SV2C: variants seen among roughly 807,000 people sequenced by gnomAD.
The protein encoded by SV2C is solute carrier family 22 member B3.
SV2C carries 49 observed loss-of-function variants against 79.7 expected under a neutral mutation model. The observed-to-expected ratio is 0.61, with a 90% confidence interval of 0.49 to 0.78. The LOEUF is 0.78. Among genes scored for constraint, SV2C ranks in the 30% least tolerant of loss-of-function variants. The pLI, the probability that SV2C is intolerant of heterozygous loss-of-function variation, is 0.00. For missense variants in SV2C, 833 were observed against 912.9 expected, an observed-to-expected ratio of 0.91 and a Z score of 1.13; for synonymous variants, 334 against 333.2, an observed-to-expected ratio of 1.00 and a Z score of -0.03.
chr5:76,306,313 C>G (rs1442444642), intron 12 of SV2C, among the ~76,000 whole-genome samples: 1 of 152,106 alleles, frequency 6.6e-6, no homozygotes, highest in Non-Finnish European at 1.5e-5. Context: ...GCCCCAGCCT[C>G]TGAAGTAGCT....
chr5:76,146,744 G>A (rs905039670), intron 2 of SV2C, among the ~76,000 whole-genome samples: 7 of 142,078 alleles, frequency 4.9e-5, no homozygotes, highest in East Asian at 2.2e-4. Flanking sequence ...CTGACATGGG[G>A]GCTAATGACA....
At position 76,326,966 on chromosome 5, in the gene SV2C, A is replaced by T. The variant is rs1254089206; in HGVS notation, c.*1419A>T. 1.3e-5 allele frequency: 2 copies of T among 152,216 alleles called. No individual in the cohort carries two copies. The highest frequency in any genetic ancestry group is 2.9e-5 in the Non-Finnish European group (2 of 68,036). The allele number at this position is 152,216 out of a possible 1,614,324, so 9.4% of individuals were successfully genotyped here. On this transcript the variant is annotated 3_prime_UTR_variant, in exon 13 of 13. Transcript: ENST00000502798. The stretch of plus-strand genomic sequence containing the variant: ...AGCCAATGACCAGAAGCCAGGAATA[A>T]ATCCCATATTTAAACAATATTCCTT...
chr5:75,994,235 A>G, the SV2C span, among the ~76,000 whole-genome samples: 2 of 152,104 alleles, frequency 1.3e-5, no homozygotes, highest in Admixed American at 6.6e-5. Flanking sequence ...TCTTGAGGAG[A>G]AAGCCGGACA....
At chr5:76,261,715 C>T (rs982406760) in intron 4 of SV2C, among the ~76,000 whole-genome samples, 4 of 152,118 alleles carry the variant, frequency 2.6e-5, no homozygotes, top group African/African-American at 9.7e-5. Context: ...TGGTTTTTGT[C>T]ATTGGTTCGG....
chr5:76,198,111 A>T (rs1175831013), intron 3 of SV2C, among the ~76,000 whole-genome samples: 1 of 152,034 alleles, frequency 6.6e-6, no homozygotes, highest in African/African-American at 2.4e-5. Flanking sequence ...GAACTTCTCC[A>T]CTCAGTTTAC....
chr5:76,156,505 G>A (rs925708415), intron 2 of SV2C, among the ~76,000 whole-genome samples: 4 of 152,074 alleles, frequency 2.6e-5, no homozygotes, highest in Non-Finnish European at 4.4e-5. Flanking sequence ...GCCAAAAAAC[G>A]GAAAGATATG....
At chr5:76,075,662 C>T in the SV2C span, 4 of 308,210 alleles carry the variant, frequency 1.3e-5, no homozygotes, top group Admixed American at 4.0e-5. Flanking sequence ...ATGGATGCAA[C>T]CTTGAATTAA....
chr5:75,879,064 G>C, the SV2C span, among the ~76,000 whole-genome samples: 1 of 152,150 alleles, frequency 6.6e-6, no homozygotes, highest in African/African-American at 2.4e-5. Context: ...CTCAGAACGA[G>C]TTCTGTCATC....
intron 4 of SV2C, among the ~76,000 whole-genome samples, chr5:76,258,208 T>C (rs1343000850): frequency 6.6e-6 from 1 of 151,890 alleles, no homozygotes; most frequent in Non-Finnish European, 1.5e-5. Context: ...GGTCAGAGCT[T>C]CCTGCACAGC....
chr5:76,045,476 A>G, the SV2C span, among the ~76,000 whole-genome samples: 1 of 152,192 alleles, frequency 6.6e-6, no homozygotes, highest in Non-Finnish European at 1.5e-5. Context: ...TGATGGGAAT[A>G]GCATTGAAAC....
At chr5:76,319,489 T>C (rs1470991092) in intron 12 of SV2C, among the ~76,000 whole-genome samples, 1 of 152,210 alleles carries the variant, frequency 6.6e-6, no homozygotes, top group African/African-American at 2.4e-5. Flanking sequence ...AATTTACTTT[T>C]CCAAGGAAAG....
the SV2C span, among the ~76,000 whole-genome samples, chr5:76,053,439 G>A: frequency 2.6e-5 from 4 of 152,268 alleles, no homozygotes; most frequent in African/African-American, 9.6e-5. Context: ...GCTTCTAGTC[G>A]TGGACTGGGA....
intron 12 of SV2C, among the ~76,000 whole-genome samples, chr5:76,302,594 C>A (rs1748047603): frequency 7.3e-6 from 1 of 137,738 alleles, no homozygotes; most frequent in African/African-American, 2.7e-5. Flanking sequence ...CATGCCACTG[C>A]ACTCCAGTCT....
At chr5:76,238,065 C>CACACACAT (rs1468572481) in intron 4 of SV2C, among the ~76,000 whole-genome samples, 2 of 67,618 alleles carry the variant, frequency 3.0e-5, no homozygotes, top group Non-Finnish European at 3.8e-5. Flanking sequence ...CACACACACA[C>CACACACAT]ATATATATAC....
the SV2C span, among the ~76,000 whole-genome samples, chr5:75,898,933 A>G: frequency 6.6e-5 from 10 of 151,864 alleles, no homozygotes; most frequent in Admixed American, 2.6e-4. Flanking sequence ...GTCATTTTTT[A>G]TTGCATCTTT....
At chr5:76,144,842 GT>G (rs889762909) in intron 2 of SV2C, among the ~76,000 whole-genome samples, 2 of 151,086 alleles carry the variant, frequency 1.3e-5, no homozygotes, top group African/African-American at 2.4e-5. Flanking sequence ...TTTGTTTTTT[GT>G]TTTTTTAGCA....
At position 76,280,912 on chromosome 5, in the gene SV2C, T is replaced by A. The variant is rs1429365362; in HGVS notation, c.914-4250T>A. ...GCCGACAAGTGAGGGTCTGCTGTGTTCCTGGTGCTGAGAGCGCGACAGGGT... is the reference window on the plus strand; with the variant it reads ...GCCGACAAGTGAGGGTCTGCTGTGTACCTGGTGCTGAGAGCGCGACAGGGT... On this transcript the variant is annotated intron_variant, in intron 4 of 12. Coordinates refer to ENST00000502798, the MANE Select transcript of SV2C (RefSeq NM_014979.4). 6 of 520,214 alleles carry A rather than the reference T, an allele frequency of 1.2e-5. No homozygotes were observed. In the Admixed American group the frequency reaches 1.2e-4, roughly 10 times the overall value. The allele number at this position is 520,214 out of a possible 1,614,324, so 32.2% of individuals were successfully genotyped here. A position where few individuals can be genotyped will look rare whatever the true frequency, so the allele number is the denominator to read the frequency against.
the SV2C span, among the ~76,000 whole-genome samples, chr5:76,005,501 C>G: frequency 6.6e-6 from 1 of 152,216 alleles, no homozygotes; most frequent in South Asian, 2.1e-4. Context: ...GAGAACCTCC[C>G]TCTAATAATT....
intron 6 of SV2C, among the ~76,000 whole-genome samples, chr5:76,288,601 GTGTCTC>G (rs1191556995): frequency 6.6e-6 from 1 of 152,156 alleles, no homozygotes; most frequent in Non-Finnish European, 1.5e-5. Flanking sequence ...TTCTGAGAAG[GTGTCTC>G]TATAGGGCCT....
Sources: gnomAD v4.1 joint callset for allele counts (sites outside exome capture counted in the v4.1 genomes callset) on GRCh38, gnomAD v4.1.1 for gene constraint, MANE v1.5 for transcripts, NCBI Gene and HGNC (gene_info 2026-07-23, HGNC 2026-07-21) for gene names.